The following CTNNA3 variants were observed in gnomAD, a reference collection of about 807,000 sequenced individuals.
CTNNA3 encodes the protein catenin alpha 3.
Under a neutral mutation model 95.7 loss-of-function variants are expected in CTNNA3, and 76 were observed. The ratio of observed to expected loss-of-function variants is 0.79; its 90% CI spans 0.66 to 0.96. The LOEUF (loss-of-function observed/expected upper bound fraction) is 0.96. Among genes scored for constraint, CTNNA3 ranks in the 40% least tolerant of loss-of-function variants. CTNNA3 has a pLI of 0.00. For missense variants in CTNNA3, 1,191 were observed against 1,089.8 expected, an observed-to-expected ratio of 1.09 and a Z score of -1.31; for synonymous variants, 431 against 374.4, an observed-to-expected ratio of 1.15 and a Z score of -1.74.
At chr10:66,460,382 GAC>G (rs1031912248) in intron 11 of CTNNA3, among the ~76,000 whole-genome samples, 19 of 152,116 alleles carry the variant, frequency 1.2e-4, no homozygotes, top group African/African-American at 4.3e-4. Flanking sequence ...CCTATATTCT[GAC>G]ACATTCTGAT....
chr10:66,241,963 T>C lies in CTNNA3; in HGVS notation c.1884+38507A>G, dbSNP rs564288386. ...GCCAGTTTTTCTGTTTTAATTATTA[T>C]TATTTTTAATTTAGGACAAGACTGC... On this transcript the variant is annotated intron_variant, in intron 13 of 17. Coordinates refer to ENST00000433211, the MANE Select transcript of CTNNA3 (RefSeq NM_013266.4). 2.0e-5 allele frequency among the ~76,000 whole-genome samples: 3 copies of C among 152,286 alleles called. No individual in the cohort carries two copies. The East Asian group carries it at 5.8e-4, about 29-fold the overall frequency.
chr10:67,092,534 C>A (rs971363110), intron 7 of CTNNA3, among the ~76,000 whole-genome samples: 3 of 151,774 alleles, frequency 2.0e-5, no homozygotes, highest in African/African-American at 7.3e-5. Flanking sequence ...TATGAATGTT[C>A]ATATATATAC....
At chr10:66,533,839 G>C (rs1053186603) in intron 10 of CTNNA3, among the ~76,000 whole-genome samples, 1 of 152,092 alleles carries the variant, frequency 6.6e-6, no homozygotes, top group Admixed American at 6.6e-5. Flanking sequence ...GGGAGGTCCA[G>C]GTGGAAAAAT....
intron 7 of CTNNA3, among the ~76,000 whole-genome samples, chr10:67,079,773 G>A (rs1005559999): frequency 4.6e-5 from 7 of 151,772 alleles, no homozygotes; most frequent in East Asian, 1.9e-4. Context: ...TCTTGAACCC[G>A]GGAGGCGGAT....
At chr10:66,605,843 A>G (rs1385926689) in intron 10 of CTNNA3, among the ~76,000 whole-genome samples, 1 of 152,200 alleles carries the variant, frequency 6.6e-6, no homozygotes, top group African/African-American at 2.4e-5. Flanking sequence ...CAGCCACTAC[A>G]AAAACACACT....
At chr10:66,685,652 A>G (rs10822872) in intron 9 of CTNNA3, among the ~76,000 whole-genome samples, 83,139 of 150,532 alleles carry the variant, frequency 0.55, 23,651 homozygotes, top group African/African-American at 0.68. Flanking sequence ...GATTACAGGC[A>G]TGAGACACCG....
chr10:67,528,211 C>A (rs974484560), intron 4 of CTNNA3, among the ~76,000 whole-genome samples: 5 of 152,140 alleles, frequency 3.3e-5, no homozygotes, highest in African/African-American at 1.2e-4. Flanking sequence ...TCATTATTTA[C>A]AAAAGTGTCT....
At chr10:66,021,850 GGC>G (rs1328848025) in intron 15 of CTNNA3, among the ~76,000 whole-genome samples, 5 of 44,392 alleles carry the variant, frequency 1.1e-4, no homozygotes, top group East Asian at 3.3e-3. Context: ...ACAGGATCTT[GGC>G]TTTTTTTTTT....
At chr10:67,357,604 T>A (rs1842856583) in intron 5 of CTNNA3, among the ~76,000 whole-genome samples, 1 of 152,096 alleles carries the variant, frequency 6.6e-6, no homozygotes, top group Admixed American at 6.6e-5. Context: ...TGTCAATTCT[T>A]CTTAAGATAA....
intron 9 of CTNNA3, among the ~76,000 whole-genome samples, chr10:66,697,393 C>T (rs1847805269): frequency 6.7e-6 from 1 of 149,680 alleles, no homozygotes; most frequent in African/African-American, 2.5e-5. Context: ...CACACGCACA[C>T]ATACAAACCT....
chr10:66,415,944 G>A (rs1402511057), intron 11 of CTNNA3, among the ~76,000 whole-genome samples: 2 of 152,084 alleles, frequency 1.3e-5, no homozygotes, highest in Non-Finnish European at 2.9e-5. Context: ...GAAAAAGCAA[G>A]AATATATGAC....
chr10:67,265,631 G>A (rs1205947588), intron 5 of CTNNA3, among the ~76,000 whole-genome samples: 1 of 152,012 alleles, frequency 6.6e-6, no homozygotes, highest in East Asian at 1.9e-4. Context: ...AGAGAATACC[G>A]CATTTTCCAT....
At chr10:66,114,595 T>A (rs1040256544) in intron 13 of CTNNA3, among the ~76,000 whole-genome samples, 8 of 151,628 alleles carry the variant, frequency 5.3e-5, no homozygotes, top group African/African-American at 1.9e-4. Flanking sequence ...AATATATATA[T>A]ATCGGTTGGG....
At chr10:65,976,394 C>T (rs12761845) in intron 16 of CTNNA3, among the ~76,000 whole-genome samples, 11,172 of 152,136 alleles carry the variant, frequency 0.073, 632 homozygotes, top group Non-Finnish European at 0.12. Flanking sequence ...TTAAGCAAAA[C>T]ATGCTGTCTC....
intron 14 of CTNNA3, among the ~76,000 whole-genome samples, chr10:66,076,490 T>C (rs10996880): frequency 6.6e-6 from 1 of 151,818 alleles, no homozygotes; most frequent in African/African-American, 2.4e-5. Context: ...TAAGAAGTGG[T>C]ATACATTTCT....
At chr10:66,778,909 G>A (rs559114615) in intron 7 of CTNNA3, among the ~76,000 whole-genome samples, 141 of 152,176 alleles carry the variant, frequency 9.3e-4, no homozygotes, top group Middle Eastern at 6.8e-3. Flanking sequence ...CCAGGAGGCG[G>A]AAGTTGCAGT....
intron 5 of CTNNA3, among the ~76,000 whole-genome samples, chr10:67,248,534 G>GC (rs757236952): frequency 2.0e-5 from 3 of 151,952 alleles, no homozygotes; most frequent in African/African-American, 7.2e-5. Context: ...TCCCACCTCA[G>GC]CCCCCCAAAG....
chr10:67,260,133 C>T (rs773440045), intron 5 of CTNNA3, among the ~76,000 whole-genome samples: 1 of 152,266 alleles, frequency 6.6e-6, no homozygotes, highest in South Asian at 2.1e-4. Flanking sequence ...ATAACGGCAT[C>T]GTTTCCTAAA....
At position 66,871,058 on chromosome 10, in the gene CTNNA3, T is replaced by TGCTCTGCTGGTTTTGTTC. The variant is rs1400050999; in HGVS notation, c.1048-95535_1048-95534insGAACAAAACCAGCAGAGC. Among the ~76,000 whole-genome samples the TGCTCTGCTGGTTTTGTTC allele has an allele frequency of 3.3e-5, 5 of 152,356 alleles. No homozygotes were observed. The South Asian group carries it at 1.0e-3, about 32-fold the overall frequency. On this transcript the variant is annotated intron_variant, in intron 7 of 17. Transcript: ENST00000433211. Reference sequence around the variant, plus strand: ...AAAAGGGCTTTGTTGCTGGTTTGTTTTGCTCTGCTGGTTTTGTTCATGTGT... The same window carrying TGCTCTGCTGGTTTTGTTC: ...AAAAGGGCTTTGTTGCTGGTTTGTTTGCTCTGCTGGTTTTGTTCTGCTCTGCTGGTTTTGTTCATGTGT...
Sources: gnomAD v4.1 joint callset for allele counts (sites outside exome capture counted in the v4.1 genomes callset) on GRCh38, gnomAD v4.1.1 for gene constraint, MANE v1.5 for transcripts, NCBI Gene and HGNC (gene_info 2026-07-23, HGNC 2026-07-21) for gene names.